The following MAGI3 variants were observed in gnomAD, a reference collection of about 807,000 sequenced individuals.
MAGI3 encodes the protein membrane associated guanylate kinase, WW and PDZ domain containing 3.
In MAGI3, 43 loss-of-function variants were observed where a neutral mutation model predicts 121.8. That is an observed-to-expected ratio of 0.35 (90% CI 0.28 to 0.46). The LOEUF (loss-of-function observed/expected upper bound fraction) is 0.46. Ranked by LOEUF, MAGI3 falls within the 20% of genes least tolerant of loss-of-function variation. The pLI, the probability that MAGI3 is intolerant of heterozygous loss-of-function variation, is 1.00. For missense variants in MAGI3, 1,547 were observed against 1,797.3 expected (o/e 0.86, Z 2.52); for synonymous variants, 553 against 639.3 (o/e 0.86, Z 2.04).
Position 113,422,672 on chromosome 1 carries a change from A to C in MAGI3, c.316+31323A>C, listed in dbSNP as rs1006601036. On this transcript the variant is annotated intron_variant, in intron 1 of 20. Coordinates refer to ENST00000307546, the MANE Select transcript of MAGI3 (RefSeq NM_001142782.2). This position sits in a 1 kb window ranked among gnomAD's most constrained non-coding sequence, Gnocchi z 4.3. ...ACCGCAAGCAGCTTCTGCTGCGGGC[A>C]CTAGTGTCTGGATAAGGGAACGTGG... Among the ~76,000 whole-genome samples the C allele has an allele frequency of 1.3e-5, 2 of 152,242 alleles. No individual in the cohort carries two copies. The highest frequency in any genetic ancestry group is 4.8e-5 in the African/African-American group (2 of 41,468).
intron 1 of MAGI3, among the ~76,000 whole-genome samples, chr1:113,444,936 C>T (rs552901045): frequency 6.6e-6 from 1 of 152,018 alleles, no homozygotes; most frequent in African/African-American, 2.4e-5. Context: ...AATTCTGGAG[C>T]TAGAAAATAC....
intron 1 of MAGI3, among the ~76,000 whole-genome samples, chr1:113,481,234 G>A (rs1046014027): frequency 3.3e-5 from 5 of 152,096 alleles, no homozygotes; most frequent in African/African-American, 1.2e-4. Context: ...GATTACATGA[G>A]GATTCAGAAA....
chr1:113,503,400 A>G lies in MAGI3; in HGVS notation c.317-46115A>G, dbSNP rs548237054. 1.6e-4 allele frequency among the ~76,000 whole-genome samples: 24 copies of G among 150,116 alleles called. 1 individual carries two copies. The Middle Eastern group carries it at 0.011, about 66-fold the overall frequency. ...TTATAATTTTCTCAATACTGTAAAT[A>G]TTTTTCAATCTTCAGCTTCATTAAC... On this transcript the variant is annotated intron_variant, in intron 1 of 20. Transcript: ENST00000307546.
chr1:113,517,965 T>C (rs114551449), intron 1 of MAGI3, among the ~76,000 whole-genome samples: 57 of 152,146 alleles, frequency 3.7e-4, no homozygotes, highest in Non-Finnish European at 6.5e-4. Context: ...CTAATACCCT[T>C]TCTCTTAATC....
intron 9 of MAGI3, among the ~76,000 whole-genome samples, chr1:113,625,951 T>C (rs1651212223): frequency 1.3e-5 from 2 of 152,106 alleles, no homozygotes; most frequent in Non-Finnish European, 2.9e-5. Flanking sequence ...GAAATTATTA[T>C]AGTTTTTTTG....
intron 1 of MAGI3, among the ~76,000 whole-genome samples, chr1:113,458,050 G>A (rs1654841882): frequency 6.6e-6 from 1 of 152,244 alleles, no homozygotes; most frequent in Non-Finnish European, 1.5e-5. Context: ...GAACTTGTGG[G>A]CCATAAGAAG....
Position 113,683,882 on chromosome 1 carries a change from CAA to C in MAGI3, c.4316_4317del (p.Lys1439ArgfsTer14), listed in dbSNP as rs752655375. 1.2e-5 allele frequency: 19 copies of C among 1,612,436 alleles called. 1 individual carries two copies. The South Asian group carries it at 1.4e-4, about 12-fold the overall frequency. ...GKELEAADKNKETGRFKPESS... is the reference protein window; with the variant it reads ...GKELEAADKNXETGRFKPESS... ...AAGAACTAGAGGCAGCTGACAAAAA[CAA>C]AGAGACTGGAAGGTTCAAACCGGAA... is the stretch of plus-strand genomic sequence containing the variant. On this transcript the variant is annotated frameshift_variant, in exon 21 of 21. Coordinates refer to ENST00000307546, the MANE Select transcript of MAGI3 (RefSeq NM_001142782.2). LOFTEE classifies it low-confidence loss of function (END_TRUNC).
chr1:113,539,362 C>T (rs1440255565), intron 1 of MAGI3, among the ~76,000 whole-genome samples: 2 of 150,228 alleles, frequency 1.3e-5, no homozygotes, highest in African/African-American at 4.9e-5. Context: ...CACTGCACTC[C>T]AGCCTGGTGA....
At chr1:113,415,015 C>G (rs1367830852) in intron 1 of MAGI3, among the ~76,000 whole-genome samples, 1 of 152,036 alleles carries the variant, frequency 6.6e-6, no homozygotes, top group Non-Finnish European at 1.5e-5. Context: ...ATTATCATTA[C>G]AAGTTTCACA....
At chr1:113,567,327 TG>T (rs913078245) in intron 2 of MAGI3, among the ~76,000 whole-genome samples, 7 of 152,030 alleles carry the variant, frequency 4.6e-5, no homozygotes, top group Non-Finnish European at 8.8e-5. Flanking sequence ...CAGGACCAGG[TG>T]GGTCCCCTGG....
intron 1 of MAGI3, among the ~76,000 whole-genome samples, chr1:113,460,309 A>G (rs1557768808): frequency 1.3e-5 from 2 of 152,224 alleles, no homozygotes; most frequent in Non-Finnish European, 2.9e-5. Flanking sequence ...ACCCACAGCC[A>G]ACATTGAACT....
At chr1:113,471,040 T>C (rs1277888711) in intron 1 of MAGI3, among the ~76,000 whole-genome samples, 1 of 152,236 alleles carries the variant, frequency 6.6e-6, no homozygotes, top group African/African-American at 2.4e-5. Flanking sequence ...CTGGTAATCT[T>C]ACAGGTCTTA....
At chr1:113,601,919 G>T (rs1649412307) in intron 6 of MAGI3, among the ~76,000 whole-genome samples, 1 of 150,338 alleles carries the variant, frequency 6.7e-6, no homozygotes, top group Non-Finnish European at 1.5e-5. Context: ...CATGTCCTTT[G>T]TAGGGACATG....
At chr1:113,475,210 T>C (rs12027235) in intron 1 of MAGI3, among the ~76,000 whole-genome samples, 36,745 of 152,050 alleles carry the variant, frequency 0.24, 5,101 homozygotes, top group East Asian at 0.63. Flanking sequence ...TCCTCATTTC[T>C]GAACCGAATA....
chr1:113,396,287 TTGTG>T (rs3058309), intron 1 of MAGI3, among the ~76,000 whole-genome samples: 7 of 146,976 alleles, frequency 4.8e-5, no homozygotes, highest in East Asian at 2.0e-4. Flanking sequence ...AATGTCAGGG[TTGTG>T]TGTGTGTGTG....
chr1:113,452,451 GACAT>G (rs759664258), intron 1 of MAGI3, among the ~76,000 whole-genome samples: 3 of 82,684 alleles, frequency 3.6e-5, no homozygotes, highest in Non-Finnish European at 3.2e-5. Context: ...TATGTGCATA[GACAT>G]ACACACACAC....
At chr1:113,679,946 C>T (rs1648116611) in intron 19 of MAGI3, among the ~76,000 whole-genome samples, 1 of 152,098 alleles carries the variant, frequency 6.6e-6, no homozygotes, top group African/African-American at 2.4e-5. Context: ...CTCAGGTGAT[C>T]CACCAGCCTC....
At position 113,590,472 on chromosome 1, in the gene MAGI3, G is replaced by A. The variant is rs759690246; in HGVS notation, c.764-12G>A. The A allele has an allele frequency of 6.2e-7, 1 of 1,612,870 alleles. No individual in the cohort carries two copies. Among genetic ancestry groups the A allele is most frequent in the Admixed American group, 1.7e-5 (1 of 59,892 alleles). On this transcript the variant is annotated splice_polypyrimidine_tract_variant and intron_variant, in intron 4 of 20. Coordinates refer to ENST00000307546, the MANE Select transcript of MAGI3 (RefSeq NM_001142782.2). ...CCCACTTTTCACACCTTTCTGTTTT[G>A]AACAATGGCAGAAAACAGAGAGAGG...
At chr1:113,657,965 A>G (rs1379043404) in intron 15 of MAGI3, among the ~76,000 whole-genome samples, 1 of 152,246 alleles carries the variant, frequency 6.6e-6, no homozygotes, top group Non-Finnish European at 1.5e-5. Flanking sequence ...ATGAAGGTCT[A>G]TTTAAATGTC....
Sources: gnomAD v4.1 joint callset for allele counts (sites outside exome capture counted in the v4.1 genomes callset) on GRCh38, gnomAD v4.1.1 for gene constraint, Gnocchi (gnomAD v3.1) non-coding constraint, MANE v1.5 for transcripts, NCBI Gene and HGNC (gene_info 2026-07-23, HGNC 2026-07-21) for gene names.